Variants in SWT1 observed in about 807,000 individuals in gnomAD.
SWT1 encodes transcriptional protein SWT1.
In SWT1, 33 loss-of-function variants were observed where a neutral mutation model predicts 107.3. That is an observed-to-expected ratio of 0.31 (90% CI 0.23 to 0.41). SWT1 has a LOEUF of 0.41. Ranked by LOEUF, SWT1 falls within the 10% of genes least tolerant of loss-of-function variation. SWT1 has a pLI of 1.00. For missense variants in SWT1, 898 were observed against 1,028.9 expected, an observed-to-expected ratio of 0.87 and a Z score of 1.74; for synonymous variants, 345 against 348.3, an observed-to-expected ratio of 0.99 and a Z score of 0.11.
intron 15 of SWT1, chr1:185,227,256 G>A (rs1660138440): frequency 1.3e-6 from 1 of 764,666 alleles, no homozygotes; most frequent in African/African-American, 1.7e-5. Context: ...GGCAAGACCT[G>A]CATCCAAATA....
rs188200120 is a variant in SWT1, at chr1:185,202,904, T to G, written c.1669+105T>G. The G allele has an allele frequency of 1.4e-4, 84 of 586,282 alleles. 1 individual carries two copies. In the Middle Eastern group the frequency reaches 1.5e-3, roughly 10 times the overall value. The allele number at this position is 586,282 out of a possible 1,614,324, so 36.3% of individuals were successfully genotyped here. A position where few individuals can be genotyped will look rare whatever the true frequency, so the allele number is the denominator to read the frequency against. On this transcript the variant is annotated intron_variant, in intron 11 of 18. Coordinates refer to ENST00000367500, the MANE Select transcript of SWT1 (RefSeq NM_017673.7). Reference sequence around the variant, plus strand: ...AAATTTTTATTTTGTACATTTAAAATAACATCGTTTGGAATACTTGCTGGC... The same window carrying G: ...AAATTTTTATTTTGTACATTTAAAAGAACATCGTTTGGAATACTTGCTGGC...
chr1:185,209,981 A>T (rs1280589518), intron 13 of SWT1, among the ~76,000 whole-genome samples: 2 of 152,126 alleles, frequency 1.3e-5, no homozygotes, highest in South Asian at 2.1e-4. Flanking sequence ...ACCATTGATG[A>T]TGAGCTTTCT....
chr1:185,176,949 A>C (rs1655617104), intron 5 of SWT1: 2 of 795,922 alleles, frequency 2.5e-6, no homozygotes, highest in Non-Finnish European at 3.0e-6. Flanking sequence ...GCGCCACTGC[A>C]CTCCAGCCTG....
intron 10 of SWT1, among the ~76,000 whole-genome samples, chr1:185,198,926 T>G (rs1657633444): frequency 6.6e-6 from 1 of 151,884 alleles, no homozygotes; most frequent in Non-Finnish European, 1.5e-5. Context: ...TTGGGGCATT[T>G]AGCTCGTTTA....
At chr1:185,221,452 T>A (rs1016984016) in intron 14 of SWT1, among the ~76,000 whole-genome samples, 11 of 152,124 alleles carry the variant, frequency 7.2e-5, no homozygotes, top group Non-Finnish European at 1.2e-4. Context: ...ATTTTTTTTT[T>A]AAACAACACT....
chr1:185,199,562 A>G (rs1256982629), intron 10 of SWT1, among the ~76,000 whole-genome samples: 1 of 152,114 alleles, frequency 6.6e-6, no homozygotes, highest in Non-Finnish European at 1.5e-5. Flanking sequence ...AAGATTGTTG[A>G]ATATTGGCCC....
chr1:185,281,550 T>C (rs1457387674), intron 18 of SWT1: 1 of 240,880 alleles, frequency 4.2e-6, no homozygotes, highest in Non-Finnish European at 8.4e-6. Flanking sequence ...CTGTAGGATG[T>C]CTTCAACCTG....
intron 10 of SWT1, among the ~76,000 whole-genome samples, chr1:185,198,775 G>T (rs201342281): frequency 0.067 from 5,856 of 86,916 alleles, 319 homozygotes; most frequent in African/African-American, 0.2. Context: ...TTTTTTTTTT[G>T]CTTTCCATTT....
chr1:185,275,852 T>C (rs549626813), intron 17 of SWT1, among the ~76,000 whole-genome samples: 1 of 152,308 alleles, frequency 6.6e-6, no homozygotes, highest in South Asian at 2.1e-4. Context: ...TAGTAGTAAT[T>C]AAATTAGGGG....
chr1:185,279,003 C>T (rs1426606720), intron 18 of SWT1, among the ~76,000 whole-genome samples: 2 of 152,176 alleles, frequency 1.3e-5, no homozygotes, highest in Non-Finnish European at 2.9e-5. Flanking sequence ...TGTTTCAACA[C>T]AACTATGAAA....
In SWT1 at chr1:185,180,539, G is replaced by A. The variant is rs540838927; in HGVS notation, c.1026+89G>A. On this transcript the variant is annotated intron_variant, in intron 6 of 18. Transcript: ENST00000367500. ...AAAAAATAATGACTGTAGAAACCCT[G>A]ATAATATGAAAATAACAATGATGTC... 15 of 915,664 alleles carry A rather than the reference G, an allele frequency of 1.6e-5. No homozygotes were observed. In the African/African-American group the frequency reaches 1.7e-4, roughly 10 times the overall value. The allele number at this position is 915,664 out of a possible 1,614,324, so 56.7% of individuals were successfully genotyped here.
At chr1:185,269,989 A>G (rs555564655) in intron 16 of SWT1, among the ~76,000 whole-genome samples, 34 of 152,320 alleles carry the variant, frequency 2.2e-4, no homozygotes, top group Non-Finnish European at 4.3e-4. Flanking sequence ...GAGCATCTTT[A>G]TTAGATGATG....
intron 16 of SWT1, chr1:185,266,691 A>G (rs1245017503): frequency 1.4e-5 from 2 of 147,400 alleles, no homozygotes; most frequent in Non-Finnish European, 3.0e-5. Flanking sequence ...AAAGAGATAT[A>G]TTGATTTGTA....
At chr1:185,201,364 C>T (rs1313746343) in intron 10 of SWT1, among the ~76,000 whole-genome samples, 1 of 152,152 alleles carries the variant, frequency 6.6e-6, no homozygotes, top group Non-Finnish European at 1.5e-5. Context: ...TGCTTGAAAC[C>T]CAGGGCCCTA....
At chr1:185,165,658 T>C (rs1654507944) in intron 2 of SWT1, among the ~76,000 whole-genome samples, 1 of 152,204 alleles carries the variant, frequency 6.6e-6, no homozygotes, top group Non-Finnish European at 1.5e-5. Flanking sequence ...GTTTTTCCAC[T>C]TCATCCAGAA....
intron 4 of SWT1, among the ~76,000 whole-genome samples, chr1:185,172,773 C>G (rs1655182237): frequency 6.6e-6 from 1 of 152,002 alleles, no homozygotes; most frequent in Non-Finnish European, 1.5e-5. Flanking sequence ...TATGGGCCAG[C>G]TGCGGTGGCT....
intron 9 of SWT1, among the ~76,000 whole-genome samples, chr1:185,189,212 A>G (rs1656739425): frequency 6.6e-6 from 1 of 151,876 alleles, no homozygotes; most frequent in African/African-American, 2.4e-5. Flanking sequence ...TGATCTTGGA[A>G]TCCTGACTTT....
intron 16 of SWT1, among the ~76,000 whole-genome samples, chr1:185,268,017 C>T (rs112593282): frequency 1.7e-4 from 26 of 152,280 alleles, no homozygotes; most frequent in African/African-American, 6.3e-4. Flanking sequence ...AGGCCACATT[C>T]CATTCTCATA....
At chr1:185,236,590 A>G (rs1466667380) in intron 16 of SWT1, among the ~76,000 whole-genome samples, 1 of 152,244 alleles carries the variant, frequency 6.6e-6, no homozygotes, top group African/African-American at 2.4e-5. Flanking sequence ...AAAGACTTAA[A>G]CATAAGACCT....
Sources: gnomAD v4.1 joint callset for allele counts (sites outside exome capture counted in the v4.1 genomes callset) on GRCh38, gnomAD v4.1.1 for gene constraint, MANE v1.5 for transcripts, NCBI Gene and HGNC (gene_info 2026-07-23, HGNC 2026-07-21) for gene names.